HTT: variants seen among roughly 807,000 people sequenced by gnomAD.
The protein encoded by HTT is huntington disease protein.
In HTT, 104 loss-of-function variants were observed where a neutral mutation model predicts 362.3. The observed-to-expected ratio is 0.29, with a 90% CI of 0.24 to 0.34. The LOEUF (loss-of-function observed/expected upper bound fraction) is 0.34, where lower values mean the gene tolerates loss of function less well. Among genes scored for constraint, HTT ranks in the 10% least tolerant of loss-of-function variants. The pLI is 1.00. For synonymous variants in HTT, 1,577 were observed against 1,548.7 expected (o/e 1.02, Z -0.43); for missense variants, 3,301 against 3,928.6 (o/e 0.84, Z 4.27).
intron 29 of HTT, among the ~76,000 whole-genome samples, chr4:3,161,291 T>C (rs1717429710): frequency 6.6e-6 from 1 of 152,248 alleles, no homozygotes; most frequent in Non-Finnish European, 1.5e-5. Flanking sequence ...ATGGTGTATA[T>C]GTGCCACATT....
rs915200589 is a variant in HTT, at chr4:3,243,911, T to C, written c.*3852T>C. On this transcript the variant is annotated 3_prime_UTR_variant, in exon 67 of 67. Transcript: ENST00000355072. ...AGAGATGTATATTTAATTTTTTAACTGCTGCAAACATTGTACATCCAAATT... is the reference window on the plus strand; with the variant it reads ...AGAGATGTATATTTAATTTTTTAACCGCTGCAAACATTGTACATCCAAATT... 1 of 152,256 alleles carries C rather than the reference T, an allele frequency of 6.6e-6. No homozygotes were observed. The highest frequency in any genetic ancestry group is 1.5e-5 in the Non-Finnish European group (1 of 68,056). 9.4% of individuals were successfully genotyped at this position (152,256 alleles called of 1,614,324 possible).
chr4:3,093,796 G>T (rs1459332116), intron 2 of HTT, among the ~76,000 whole-genome samples: 2 of 151,140 alleles, frequency 1.3e-5, no homozygotes, highest in Non-Finnish European at 2.9e-5. Context: ...CACCAAAGCT[G>T]GAAGAGGCAC....
rs899196481 is a variant in HTT at position 3,182,427 on chromosome 4, G to A, written c.4823G>A (p.Arg1608Gln). The A allele has an allele frequency of 1.1e-5, 18 of 1,613,896 alleles. No individual in the cohort carries two copies. Among genetic ancestry groups the A allele is most frequent in the East Asian group, 2.2e-5 (1 of 44,904 alleles). Reference sequence around the variant, plus strand: ...GAAGACAAGTGGAAGCGACTGTCTCGACAGATAGCTGACATCATCCTCCCA... The same window carrying A: ...GAAGACAAGTGGAAGCGACTGTCTCAACAGATAGCTGACATCATCCTCCCA... Reference protein sequence around the residue: ...ENEDKWKRLSRQIADIILPML... With the variant: ...ENEDKWKRLSQQIADIILPML... The change falls in exon 37 of 67, where the codon CGA becomes CAA. Residue 1608 changes from arginine (R) to glutamine (Q), a missense_variant. Around this residue, in one of 4 missense-constraint regions of HTT, gnomAD observed 2,316 missense variants for 2,658.5 expected, o/e 0.87. Coordinates refer to ENST00000355072, the MANE Select transcript of HTT (RefSeq NM_001388492.1).
chr4:3,237,631 G>C (rs1721601922), intron 64 of HTT, among the ~76,000 whole-genome samples: 1 of 152,174 alleles, frequency 6.6e-6, no homozygotes, highest in African/African-American at 2.4e-5. Context: ...GTGGAGCAGT[G>C]TCTTCAGAGC....
chr4:3,223,780 A>G (rs1720786079), intron 55 of HTT, among the ~76,000 whole-genome samples: 1 of 152,342 alleles, frequency 6.6e-6, no homozygotes, highest in African/African-American at 2.4e-5. Context: ...GTTATTGAGC[A>G]TTTAGGGGAA....
At chr4:3,232,138 C>T (rs527653701) in intron 60 of HTT, among the ~76,000 whole-genome samples, 18 of 152,164 alleles carry the variant, frequency 1.2e-4, no homozygotes, top group African/African-American at 4.1e-4. Context: ...AGGGAGGGGC[C>T]GTGTGGCGTT....
At chr4:3,163,438 C>T (rs1017359188) in intron 29 of HTT, among the ~76,000 whole-genome samples, 20 of 152,182 alleles carry the variant, frequency 1.3e-4, no homozygotes, top group Admixed American at 1.3e-3. Flanking sequence ...ATGCTGGCCT[C>T]ATAAAATGAG....
intron 46 of HTT, among the ~76,000 whole-genome samples, chr4:3,209,381 A>G (rs1257426575): frequency 6.6e-6 from 1 of 152,130 alleles, no homozygotes; most frequent in Non-Finnish European, 1.5e-5. Flanking sequence ...ACTTTCCTGG[A>G]CAAAGTTCAG....
intron 23 of HTT, among the ~76,000 whole-genome samples, chr4:3,143,841 G>A (rs925066297): frequency 1.3e-5 from 2 of 152,044 alleles, no homozygotes; most frequent in Non-Finnish European, 2.9e-5. Flanking sequence ...AACCTCAGGT[G>A]ATCCGCCCTC....
chr4:3,210,507 C>T (rs1041610379), intron 47 of HTT, among the ~76,000 whole-genome samples: 1 of 152,178 alleles, frequency 6.6e-6, no homozygotes, highest in Non-Finnish European at 1.5e-5. Flanking sequence ...AGGTTCTTCA[C>T]CCCCCAACCC....
intron 48 of HTT, 132 bp downstream of exon 48, chr4:3,212,274 G>A: frequency 3.9e-6 from 3 of 761,668 alleles, no homozygotes; most frequent in Middle Eastern, 3.8e-4. Flanking sequence ...TAGCTAAAGA[G>A]CAGCACGGGT....
chr4:3,182,411 T>C lies in HTT; in HGVS notation c.4807T>C (p.Trp1603Arg), dbSNP rs1718568300. 1.9e-6 allele frequency: 3 copies of C among 1,614,090 alleles called. No homozygotes were observed. The highest frequency in any genetic ancestry group is 1.1e-5 in the South Asian group (1 of 91,078). The change falls in exon 37 of 67, where the codon TGG (tryptophan) becomes CGG (arginine). Residue 1603 changes from tryptophan to arginine, a missense_variant. Physicochemically the swap from Trp to Arg is moderately radical, Grantham distance 101. Coordinates refer to ENST00000355072, the MANE Select transcript of HTT (RefSeq NM_001388492.1). ...QQCHKENEDK[W>R]KRLSRQIADI... Reference sequence around the variant, plus strand: ...GTGCCACAAGGAGAATGAAGACAAGTGGAAGCGACTGTCTCGACAGATAGC... The same window carrying C: ...GTGCCACAAGGAGAATGAAGACAAGCGGAAGCGACTGTCTCGACAGATAGC...
rs2110193601 is a variant in HTT, at chr4:3,136,319, C to T, written c.2791C>T (p.Leu931=). ...PRVRHVAAAS[L]IRLVPKLFYK... ...GGTGCGACATGTTGCCGCAGCATCA[C>T]TAATTAGGTATTTACCAATATTTTA... The change falls in exon 21 of 67, where the codon CTA becomes TTA. Residue 931 remains leucine (L), a synonymous_variant. Coordinates refer to ENST00000355072, the MANE Select transcript of HTT (RefSeq NM_001388492.1). 6.4e-7 allele frequency: 1 copy of T among 1,562,184 alleles called. No individual in the cohort carries two copies. The highest frequency in any genetic ancestry group is 2.2e-5 in the East Asian group (1 of 44,634).
At chr4:3,168,548 T>A (rs1390329974) in intron 29 of HTT, among the ~76,000 whole-genome samples, 1 of 152,230 alleles carries the variant, frequency 6.6e-6, no homozygotes, top group Non-Finnish European at 1.5e-5. Flanking sequence ...CTTCTAATCC[T>A]TATTTATTCC....
At position 3,208,895 on chromosome 4, in the gene HTT, C is replaced by A; in HGVS notation, c.6275C>A (p.Thr2092Lys). Residue 2092 changes from threonine to lysine, a missense_variant, in exon 46 of 67, where the codon ACA (threonine) becomes AAA (lysine). Around this residue, in one of 4 missense-constraint regions of HTT, gnomAD observed 2,316 missense variants for 2,658.5 expected, o/e 0.87. Transcript: ENST00000355072. Reference sequence around the variant, plus strand: ...GGGGATGGGCACGTGTCACTGGAAACAGTGAGTCCGGACAAAGTAAGTGTC... The same window carrying A: ...GGGGATGGGCACGTGTCACTGGAAAAAGTGAGTCCGGACAAAGTAAGTGTC... ...LDGDGHVSLETVSPDKDWYVH... is the reference protein window; with the variant it reads ...LDGDGHVSLEKVSPDKDWYVH... 2 of 1,612,216 alleles carry A rather than the reference C, an allele frequency of 1.2e-6. No homozygotes were observed. The highest frequency in any genetic ancestry group is 8.5e-7 in the Non-Finnish European group (1 of 1,179,448).
Position 3,212,047 on chromosome 4 carries a change from G to A in HTT, c.6533G>A (p.Gly2178Asp). Residue 2178 changes from glycine (G) to aspartate (D), a missense_variant, in exon 48 of 67, where the codon GGC (glycine) becomes GAC (aspartate). Around this residue, in one of 4 missense-constraint regions of HTT, gnomAD observed 2,316 missense variants for 2,658.5 expected, o/e 0.87. Coordinates refer to ENST00000355072, the MANE Select transcript of HTT (RefSeq NM_001388492.1). ...AREVTLARVS[G>D]TVQQLPAVHH... ...GAGGTGACTCTGGCCCGTGTGAGCGGCACCGTGCAGCAGCTCCCTGCTGTC... is the reference window on the plus strand; with the variant it reads ...GAGGTGACTCTGGCCCGTGTGAGCGACACCGTGCAGCAGCTCCCTGCTGTC... The A allele has an allele frequency of 6.2e-7, 1 of 1,614,144 alleles. No homozygotes were observed.
rs571260510 is a variant in HTT, at chr4:3,082,300, A to T, written c.264-4639A>T. Among the ~76,000 whole-genome samples, 6 of 151,338 alleles carry T rather than the reference A, an allele frequency of 4.0e-5. No individual in the cohort carries two copies. The East Asian group carries it at 1.2e-3, about 29-fold the overall frequency. On this transcript the variant is annotated intron_variant, in intron 1 of 66. Coordinates refer to ENST00000355072, the MANE Select transcript of HTT (RefSeq NM_001388492.1). ...GGTGACATATTCTCTCTACCTTGAGAAGTCCCCATCCCCATCACCTCCATT... is the reference window on the plus strand; with the variant it reads ...GGTGACATATTCTCTCTACCTTGAGTAGTCCCCATCCCCATCACCTCCATT...
rs554706707 is a variant in HTT at position 3,160,287 on chromosome 4, G to T, written c.3759G>T (p.Thr1253=). ...LKATHANYKV[T]LDLQNSTEKF... is the part of the protein sequence containing the mutation. ...CTCTCCTTCACCTTCCCAAGGTCAC[G>T]CTGGATCTTCAGAACAGCACGGAAA... Residue 1253 remains threonine (T), a synonymous_variant, in exon 29 of 67, where the codon ACG becomes ACT. Coordinates refer to ENST00000355072, the MANE Select transcript of HTT (RefSeq NM_001388492.1). 6.5e-6 allele frequency: 10 copies of T among 1,549,408 alleles called. No homozygotes were observed. The African/African-American group carries it at 1.1e-4, about 17-fold the overall frequency.
intron 39 of HTT, chr4:3,188,614 C>T (rs1718875234): frequency 5.0e-6 from 1 of 200,610 alleles, no homozygotes; most frequent in Non-Finnish European, 1.0e-5. Flanking sequence ...AGCAGGCAGC[C>T]CATGGCTTTC....
Sources: allele counts gnomAD v4.1 joint callset (sites outside exome capture counted in the v4.1 genomes callset), GRCh38; gene constraint gnomAD v4.1.1; regional missense constraint gnomAD v4.1.1; transcripts MANE v1.5; gene names NCBI Gene and HGNC (gene_info 2026-07-23, HGNC 2026-07-21).